DST: variants seen among roughly 807,000 people sequenced by gnomAD.
DST encodes bullous pemphigoid antigen.
DST carries 253 observed loss-of-function variants against 875.2 expected under a neutral mutation model. The observed-to-expected ratio is 0.29, with a 90% confidence interval of 0.26 to 0.32. The LOEUF (loss-of-function observed/expected upper bound fraction) is 0.32, where lower values mean the gene tolerates loss of function less well. DST is among the 10% of genes least tolerant of loss of function. The pLI is 1.00. For missense variants in DST, 8,287 were observed against 9,111.6 expected (o/e 0.91, Z 3.68); for synonymous variants, 3,124 against 3,197.1 (o/e 0.98, Z 0.77).
chr6:56,490,732 G>T (rs2095708795), intron 85 of DST, among the ~76,000 whole-genome samples: 1 of 152,090 alleles, frequency 6.6e-6, no homozygotes, highest in African/African-American at 2.4e-5. Context: ...GCTAGTCAAG[G>T]TGTTAGGTAG....
chr6:56,587,013 T>G (rs1053491769), intron 49 of DST, among the ~76,000 whole-genome samples: 1 of 152,136 alleles, frequency 6.6e-6, no homozygotes, highest in African/African-American at 2.4e-5. Context: ...CCTCTCCTCC[T>G]CCAAAGGAAC....
intron 5 of DST, among the ~76,000 whole-genome samples, chr6:56,718,335 C>T (rs938082810): frequency 9.9e-5 from 15 of 152,084 alleles, no homozygotes; most frequent in African/African-American, 2.4e-5. Flanking sequence ...TAGTCATTAG[C>T]AAAATTAAAA....
At chr6:56,511,856 G>A (rs9475710) in intron 72 of DST, among the ~76,000 whole-genome samples, 6,498 of 152,008 alleles carry the variant, frequency 0.043, 434 homozygotes, top group African/African-American at 0.14. Flanking sequence ...AGACAAGACG[G>A]GGGGAAGGAG....
intron 9 of DST, chr6:56,693,449 G>A: frequency 9.8e-6 from 10 of 1,024,502 alleles, no homozygotes; most frequent in Non-Finnish European, 1.2e-5. Flanking sequence ...AGCTCTCAAG[G>A]CAAACCCTTA....
intron 36 of DST, among the ~76,000 whole-genome samples, chr6:56,622,146 T>A (rs879650291): frequency 2.6e-5 from 4 of 152,202 alleles, no homozygotes; most frequent in Non-Finnish European, 5.9e-5. Context: ...TTATCAAACC[T>A]CCTTTAAAAC....
rs768807208 is a variant in DST at position 56,632,869 on chromosome 6, TAAG to T, written c.3787_3789del (p.Leu1263del). ...CATGCTTTACCTCTTTCTGCAGATTTAAGAAGTTCTTGATAATACTGCTTACAT... is the reference window on the plus strand; with the variant it reads ...CATGCTTTACCTCTTTCTGCAGATTTAAGTTCTTGATAATACTGCTTACAT... On this transcript the variant is annotated inframe_deletion, in exon 28 of 104. Coordinates refer to ENST00000680361, the MANE Select transcript of DST (RefSeq NM_001374736.1). 1 of 1,613,816 alleles carries T rather than the reference TAAG, an allele frequency of 6.2e-7. No homozygotes were observed. The highest frequency in any genetic ancestry group is 1.7e-5 in the Admixed American group (1 of 60,024).
chr6:56,836,162 G>A (rs936289264), intron 4 of DST, among the ~76,000 whole-genome samples: 19 of 152,086 alleles, frequency 1.2e-4, no homozygotes, highest in African/African-American at 4.3e-4. Flanking sequence ...TGAGAAAGTT[G>A]TAGTATTAAT....
chr6:56,647,640 C>A (rs1255301628), intron 13 of DST, among the ~76,000 whole-genome samples: 1 of 151,440 alleles, frequency 6.6e-6, no homozygotes, highest in Non-Finnish European at 1.5e-5. Context: ...ACAAATGAGA[C>A]AACTTACTCT....
chr6:56,481,969 G>T, intron 90 of DST, 81 bp downstream of exon 90: 1 of 1,429,578 alleles, frequency 7.0e-7, no homozygotes, highest in Non-Finnish European at 9.6e-7. Context: ...TATTCATGCA[G>T]TTGATATTTG....
chr6:56,836,384 T>A (rs1464426625), intron 4 of DST, among the ~76,000 whole-genome samples: 2 of 152,206 alleles, frequency 1.3e-5, no homozygotes, highest in East Asian at 3.8e-4. Context: ...ATGCCAGGCA[T>A]ATGAGTAGGT....
chr6:56,604,798 C>T lies in DST; in HGVS notation c.9830G>A (p.Arg3277His), dbSNP rs149398146. Residue 3277 changes from arginine (R) to histidine (H), a missense_variant, in exon 40 of 104, where the codon CGT becomes CAT. This residue lies in a region of DST where 3,138 missense variants were observed against 3,116.6 expected (regional missense o/e 1.01). Transcript: ENST00000680361. ...TTTCCCAACATCTTCTACATGTTTACGAGATAATATTGAAAGTGTGGCTTC... is the reference window on the plus strand; with the variant it reads ...TTTCCCAACATCTTCTACATGTTTATGAGATAATATTGAAAGTGTGGCTTC... ...SIEATLSILS[R>H]KHVEDVGKND... The T allele has an allele frequency of 1.4e-4, 218 of 1,612,800 alleles. No homozygotes were observed. Among genetic ancestry groups the T allele is most frequent in the South Asian group, 9.7e-4 (88 of 91,032 alleles).
intron 2 of DST, among the ~76,000 whole-genome samples, chr6:56,910,997 A>G (rs1007289866): frequency 1.3e-5 from 2 of 152,320 alleles, no homozygotes; most frequent in African/African-American, 4.8e-5. Context: ...AATAATGTCA[A>G]ACATTCCCTT....
At chr6:56,670,204 A>G (rs1448021375) in intron 10 of DST, among the ~76,000 whole-genome samples, 1 of 149,976 alleles carries the variant, frequency 6.7e-6, no homozygotes, top group African/African-American at 2.5e-5. Flanking sequence ...ATGGCCTCTA[A>G]GTAGTGGAAA....
intron 62 of DST, among the ~76,000 whole-genome samples, chr6:56,536,072 G>C (rs1044395890): frequency 1.3e-5 from 2 of 152,172 alleles, no homozygotes; most frequent in African/African-American, 4.8e-5. Context: ...AACAACAAGA[G>C]TAACCACCAC....
intron 3 of DST, among the ~76,000 whole-genome samples, chr6:56,880,889 C>T (rs866707203): frequency 6.2e-5 from 8 of 129,330 alleles, no homozygotes; most frequent in Middle Eastern, 5.8e-3. Flanking sequence ...TGCTCTGTTG[C>T]CAGGCTAGAG....
chr6:56,736,472 C>G (rs566822471), intron 4 of DST, among the ~76,000 whole-genome samples: 2 of 152,302 alleles, frequency 1.3e-5, no homozygotes, highest in African/African-American at 4.8e-5. Flanking sequence ...CAATTCCTTA[C>G]TTTCTTATTT....
chr6:56,687,267 T>C (rs965877709), intron 9 of DST, among the ~76,000 whole-genome samples: 1 of 152,170 alleles, frequency 6.6e-6, no homozygotes, highest in African/African-American at 2.4e-5. Flanking sequence ...TTCGAGACAG[T>C]GTAGGTATTA....
At position 56,592,156 on chromosome 6, in the gene DST, A is replaced by G. The variant is rs147597267; in HGVS notation, c.12903+26T>C. On this transcript the variant is annotated intron_variant, in intron 49 of 103. Transcript: ENST00000680361. ...AAGCCTTTCAGTAAGACTACTGGAA[A>G]TGTGGATCTTTCTCTCGCTTTTTAC... 8.1e-6 allele frequency: 13 copies of G among 1,604,046 alleles called. No homozygotes were observed. The Middle Eastern group carries it at 5.0e-4, about 61-fold the overall frequency.
chr6:56,928,654 C>T (rs1023104284), intron 2 of DST, among the ~76,000 whole-genome samples: 5 of 151,988 alleles, frequency 3.3e-5, no homozygotes, highest in African/African-American at 7.3e-5. Flanking sequence ...TCACTATTTG[C>T]GGATGATATG....
Sources: allele counts gnomAD v4.1 joint callset (sites outside exome capture counted in the v4.1 genomes callset), GRCh38; gene constraint gnomAD v4.1.1; regional missense constraint gnomAD v4.1.1; transcripts MANE v1.5; gene names NCBI Gene and HGNC (gene_info 2026-07-23, HGNC 2026-07-21).